Variants in NRXN3 observed in about 807,000 individuals in gnomAD.
The protein encoded by NRXN3 is neurexin III.
NRXN3 carries 32 observed loss-of-function variants against 137.6 expected under a neutral mutation model. That is an observed-to-expected ratio of 0.23 (90% CI 0.18 to 0.31). The LOEUF (loss-of-function observed/expected upper bound fraction) is 0.31, where lower values mean the gene tolerates loss of function less well. Ranked by LOEUF, NRXN3 falls within the 10% of genes least tolerant of loss-of-function variation. The probability of loss-of-function intolerance (pLI) is 1.00; values close to 1 mark genes in which losing one functional copy is unlikely to be tolerated. For missense variants in NRXN3, 1,574 were observed against 2,062.5 expected (o/e 0.76, Z 4.59); for synonymous variants, 798 against 784.5 (o/e 1.02, Z -0.29).
chr14:79,782,511 A>G (rs2099116988), intron 19 of NRXN3, among the ~76,000 whole-genome samples: 2 of 152,142 alleles, frequency 1.3e-5, no homozygotes, highest in Admixed American at 1.3e-4. Context: ...AATTTCACCC[A>G]TTGGATGGGG....
intron 10 of NRXN3, among the ~76,000 whole-genome samples, chr14:78,812,960 A>T (rs2153103183): frequency 6.6e-6 from 1 of 152,330 alleles, no homozygotes; most frequent in Middle Eastern, 3.4e-3. Context: ...AACTAATCTA[A>T]CACCTTTAGA....
At chr14:79,578,815 G>A (rs2097688892) in intron 16 of NRXN3, among the ~76,000 whole-genome samples, 1 of 152,122 alleles carries the variant, frequency 6.6e-6, no homozygotes, top group South Asian at 2.1e-4. Context: ...TAGTCAGGGT[G>A]GGTGTGTTTA....
chr14:79,292,176 A>G (rs1319270334), intron 15 of NRXN3, among the ~76,000 whole-genome samples: 1 of 152,222 alleles, frequency 6.6e-6, no homozygotes, highest in African/African-American at 2.4e-5. Context: ...ATGCTTCCCT[A>G]GATTCACAAA....
chr14:79,484,279 AC>A (rs747004658), intron 16 of NRXN3, among the ~76,000 whole-genome samples: 2 of 152,154 alleles, frequency 1.3e-5, no homozygotes, highest in African/African-American at 2.4e-5. Context: ...AAGTTAACTC[AC>A]TTCATCTACT....
chr14:79,500,033 AGT>A (rs914133268), intron 16 of NRXN3, among the ~76,000 whole-genome samples: 2 of 151,196 alleles, frequency 1.3e-5, no homozygotes, highest in African/African-American at 4.9e-5. Flanking sequence ...CAATGTAAGA[AGT>A]GTTGTGGTTT....
At chr14:78,381,847 A>G (rs1355470193) in intron 4 of NRXN3, among the ~76,000 whole-genome samples, 1 of 152,224 alleles carries the variant, frequency 6.6e-6, no homozygotes, top group East Asian at 1.9e-4. Flanking sequence ...GGTACATATT[A>G]TATGATTTCA....
intron 11 of NRXN3, among the ~76,000 whole-genome samples, chr14:78,957,562 A>G (rs1328944610): frequency 1.3e-5 from 2 of 152,224 alleles, no homozygotes; most frequent in Non-Finnish European, 2.9e-5. Flanking sequence ...CGTTATGGAA[A>G]TTACCTACTA....
At chr14:78,572,204 C>T (rs1317534196) in intron 4 of NRXN3, among the ~76,000 whole-genome samples, 2 of 152,192 alleles carry the variant, frequency 1.3e-5, no homozygotes, top group African/African-American at 4.8e-5. Context: ...TGCCTGACTG[C>T]TCTTCTTTCT....
intron 6 of NRXN3, among the ~76,000 whole-genome samples, chr14:78,656,538 C>T (rs2097785966): frequency 1.3e-5 from 2 of 152,050 alleles, no homozygotes; most frequent in Non-Finnish European, 1.5e-5. Context: ...TAGGTAGGGA[C>T]CATTTCATAG....
At chr14:78,693,418 GT>G (rs968043517) in intron 6 of NRXN3, among the ~76,000 whole-genome samples, 3 of 151,586 alleles carry the variant, frequency 2.0e-5, no homozygotes, top group African/African-American at 4.9e-5. Context: ...GTTTTGTTTT[GT>G]TTTTTCCCCC....
At chr14:78,282,505 G>T in intron 3 of NRXN3, 1 of 189,868 alleles carries the variant, frequency 5.3e-6, no homozygotes, top group Non-Finnish European at 1.1e-5. Flanking sequence ...GAATAACTGT[G>T]ACCTTGTGGA....
chr14:79,857,821 C>T (rs1402459490), intron 20 of NRXN3, among the ~76,000 whole-genome samples: 1 of 151,976 alleles, frequency 6.6e-6, no homozygotes, highest in African/African-American at 2.4e-5. Context: ...CTTGAGAAGC[C>T]AGGAAAGAGG....
At chr14:79,149,605 C>T (rs1353378856) in intron 15 of NRXN3, among the ~76,000 whole-genome samples, 2 of 151,934 alleles carry the variant, frequency 1.3e-5, no homozygotes, top group African/African-American at 4.8e-5. Context: ...TGGAATCAAC[C>T]CAAATGCCCA....
intron 15 of NRXN3, among the ~76,000 whole-genome samples, chr14:79,450,632 G>C (rs957821955): frequency 6.6e-6 from 1 of 152,136 alleles, no homozygotes; most frequent in African/African-American, 2.4e-5. Flanking sequence ...GCCGAGGTGG[G>C]AGGATCTCTT....
chr14:78,579,981 A>G (rs764672337), intron 4 of NRXN3, among the ~76,000 whole-genome samples: 2 of 152,158 alleles, frequency 1.3e-5, no homozygotes, highest in Non-Finnish European at 2.9e-5. Flanking sequence ...TACCTATCTC[A>G]TAGGCTTTTT....
At chr14:78,245,784 C>T (rs998895939) in intron 2 of NRXN3, among the ~76,000 whole-genome samples, 1 of 152,172 alleles carries the variant, frequency 6.6e-6, no homozygotes, top group Non-Finnish European at 1.5e-5. Flanking sequence ...TTCTCCCTTC[C>T]TGTGGGTGGG....
intron 6 of NRXN3, among the ~76,000 whole-genome samples, chr14:78,683,457 A>G (rs1031378293): frequency 1.8e-4 from 27 of 152,226 alleles, no homozygotes; most frequent in Non-Finnish European, 3.4e-4. Context: ...GGTCCATTTT[A>G]GACGTGCTTT....
chr14:79,018,756 C>T lies in NRXN3; in HGVS notation c.3262+30615C>T, dbSNP rs555668092. Among the ~76,000 whole-genome samples, 4 of 152,208 alleles carry T rather than the reference C, an allele frequency of 2.6e-5. No homozygotes were observed. In the South Asian group the frequency reaches 8.3e-4, roughly 32 times the overall value. On this transcript the variant is annotated intron_variant, in intron 15 of 20. Transcript: ENST00000335750. ...TAAAAGTAGTACAATAAACCTATTG[C>T]TAGTGTCTCAATATTTGCCTCCAAG...
chr14:78,994,487 A>T (rs1028274969), intron 15 of NRXN3, among the ~76,000 whole-genome samples: 2 of 152,236 alleles, frequency 1.3e-5, no homozygotes, highest in African/African-American at 4.8e-5. Context: ...ATCATTGCTG[A>T]GTCCTAAATG....
Sources: gnomAD v4.1 joint callset for allele counts (sites outside exome capture counted in the v4.1 genomes callset) on GRCh38, gnomAD v4.1.1 for gene constraint, MANE v1.5 for transcripts, NCBI Gene and HGNC (gene_info 2026-07-23, HGNC 2026-07-21) for gene names.